The following MPZL1 variants were observed in gnomAD, a reference collection of about 807,000 sequenced individuals.
The protein encoded by MPZL1 is myelin protein zero-like protein 1.
MPZL1 carries 16 observed loss-of-function variants against 29.3 expected under a neutral mutation model. The observed-to-expected ratio is 0.55, with a 90% CI of 0.37 to 0.83. MPZL1 has a LOEUF of 0.83. Ranked by LOEUF, MPZL1 falls within the 40% of genes least tolerant of loss-of-function variation. MPZL1 has a pLI of 0.00. For synonymous variants in MPZL1, 143 were observed against 132.0 expected (o/e 1.08, Z -0.57); for missense variants, 279 against 332.9 (o/e 0.84, Z 1.26).
At chr1:167,784,283 AGAAAGTAGCT>A (rs1661548788) in intron 5 of MPZL1, among the ~76,000 whole-genome samples, 1 of 152,244 alleles carries the variant, frequency 6.6e-6, no homozygotes, top group African/African-American at 2.4e-5. Flanking sequence ...CTATTCATGC[AGAAAGTAGCT>A]GAAAACATAC....
At chr1:167,736,117 C>T (rs2101752295) in intron 1 of MPZL1, among the ~76,000 whole-genome samples, 1 of 152,274 alleles carries the variant, frequency 6.6e-6, no homozygotes, top group East Asian at 1.9e-4. Context: ...GATCTCATTT[C>T]CTTTGCCTTT....
At chr1:167,727,872 C>CTT (rs748327482) in intron 1 of MPZL1, among the ~76,000 whole-genome samples, 2 of 137,754 alleles carry the variant, frequency 1.5e-5, no homozygotes, top group African/African-American at 2.7e-5. Flanking sequence ...CTTTCTTTTC[C>CTT]TTTTTTTTTT....
chr1:167,749,041 T>G (rs1317005143), intron 1 of MPZL1, among the ~76,000 whole-genome samples: 1 of 152,212 alleles, frequency 6.6e-6, no homozygotes, highest in Admixed American at 6.5e-5. Context: ...AAATACAATT[T>G]CATCCATTTC....
chr1:167,764,492 T>C (rs532027965), intron 1 of MPZL1, among the ~76,000 whole-genome samples: 1 of 152,346 alleles, frequency 6.6e-6, no homozygotes, highest in East Asian at 1.9e-4. Context: ...GTAGGTATGA[T>C]TGCACTAACA....
chr1:167,763,998 A>C (rs927518883), intron 1 of MPZL1, among the ~76,000 whole-genome samples: 2 of 152,214 alleles, frequency 1.3e-5, no homozygotes, highest in Non-Finnish European at 2.9e-5. Context: ...GCTGAGAGTC[A>C]GTTAAGTCTT....
At chr1:167,759,234 A>G (rs1660931021) in intron 1 of MPZL1, among the ~76,000 whole-genome samples, 7 of 152,222 alleles carry the variant, frequency 4.6e-5, no homozygotes, top group Admixed American at 4.6e-4. Flanking sequence ...GTAGATTAGA[A>G]CAATAGTTTC....
intron 1 of MPZL1, among the ~76,000 whole-genome samples, chr1:167,743,311 A>G (rs1660573401): frequency 6.6e-6 from 1 of 151,916 alleles, no homozygotes; most frequent in South Asian, 2.1e-4. Flanking sequence ...CCTGGGTTCA[A>G]GCAATTCTCC....
chr1:167,772,044 G>A (rs1351140322), intron 2 of MPZL1, among the ~76,000 whole-genome samples: 2 of 152,112 alleles, frequency 1.3e-5, no homozygotes, highest in East Asian at 3.9e-4. Flanking sequence ...AATCACAGGA[G>A]CCCGAGGCAG....
chr1:167,756,429 A>ATT (rs11455159), intron 1 of MPZL1, among the ~76,000 whole-genome samples: 112 of 94,612 alleles, frequency 1.2e-3, no homozygotes, highest in East Asian at 2.2e-3. Flanking sequence ...GTCTGGCCAG[A>ATT]TTTTTTTTTT....
intron 1 of MPZL1, among the ~76,000 whole-genome samples, chr1:167,724,322 C>G (rs1321914499): frequency 6.6e-6 from 1 of 152,160 alleles, no homozygotes; most frequent in East Asian, 1.9e-4. Context: ...GCCAAGGGCA[C>G]CAGCTTACAA....
rs1291216446 is a variant in MPZL1, at chr1:167,722,172, C to T, written c.21C>T (p.Ala7=). Residue 7 remains alanine (A), a synonymous_variant, in exon 1 of 6, where the codon GCC becomes GCT. Transcript: ENST00000359523. The stretch of plus-strand genomic sequence containing the variant: ...GGACGATGGCAGCGTCCGCCGGAGC[C>T]GGGGCGGTGATTGCAGCCCCAGACA... MAASAG[A]GAVIAAPDSR... 4.8e-6 allele frequency: 6 copies of T among 1,237,200 alleles called. No homozygotes were observed. The South Asian group carries it at 2.5e-4, about 51-fold the overall frequency. 76.6% of individuals were successfully genotyped at this position (1,237,200 alleles called of 1,614,324 possible).
chr1:167,779,645 C>T (rs1448752037), intron 5 of MPZL1, among the ~76,000 whole-genome samples: 1 of 151,658 alleles, frequency 6.6e-6, no homozygotes, highest in Non-Finnish European at 1.5e-5. Context: ...GAGGCTATAA[C>T]ATGTGGAAGT....
chr1:167,757,041 T>C lies in MPZL1; in HGVS notation c.92-8542T>C, dbSNP rs564988913. Among the ~76,000 whole-genome samples, 7 of 152,326 alleles carry C rather than the reference T, an allele frequency of 4.6e-5. No homozygotes were observed. The East Asian group carries it at 1.2e-3, about 25-fold the overall frequency. ...ACTAATGAAAAGCTTAGTTTATTAA[T>C]ACTTAGGGCTTGTTGAATGGAGGAT... On this transcript the variant is annotated intron_variant, in intron 1 of 5. Transcript: ENST00000359523.
intron 1 of MPZL1, among the ~76,000 whole-genome samples, chr1:167,755,458 TGA>T (rs925878238): frequency 1.3e-5 from 2 of 152,198 alleles, no homozygotes; most frequent in African/African-American, 2.4e-5. Context: ...GTAAAATATG[TGA>T]GAGTGTTATT....
At chr1:167,769,605 G>C (rs1661195705) in intron 2 of MPZL1, among the ~76,000 whole-genome samples, 1 of 152,200 alleles carries the variant, frequency 6.6e-6, no homozygotes, top group Non-Finnish European at 1.5e-5. Flanking sequence ...CGTGTCTTCT[G>C]TCAGCACCTA....
At chr1:167,783,606 A>G (rs1313923601) in intron 5 of MPZL1, among the ~76,000 whole-genome samples, 2 of 152,232 alleles carry the variant, frequency 1.3e-5, no homozygotes, top group South Asian at 2.1e-4. Flanking sequence ...ACAGTCCTCC[A>G]GGGTAAGTTC....
At chr1:167,744,930 C>G (rs893638779) in intron 1 of MPZL1, among the ~76,000 whole-genome samples, 1 of 152,152 alleles carries the variant, frequency 6.6e-6, no homozygotes, top group East Asian at 1.9e-4. Flanking sequence ...ACTTCTCCCC[C>G]CACTGCAAAA....
Position 167,722,028 on chromosome 1 carries a change from T to G in MPZL1, c.-124T>G. 1.0e-5 allele frequency: 12 copies of G among 1,187,432 alleles called. No homozygotes were observed. The highest frequency in any genetic ancestry group is 4.3e-5 in the South Asian group (1 of 23,286). 73.6% of individuals were successfully genotyped at this position (1,187,432 alleles called of 1,614,324 possible). A position where few individuals can be genotyped will look rare whatever the true frequency, so the allele number is the denominator to read the frequency against. On this transcript the variant is annotated 5_prime_UTR_variant, in exon 1 of 6. Coordinates refer to ENST00000359523, the MANE Select transcript of MPZL1 (RefSeq NM_003953.6). ...TGGGACCGGAGTGGGGAGCGCGGCG[T>G]GGAGGTGCCACCCGGCGCGGGTGGC...
chr1:167,739,064 C>T (rs970765455), intron 1 of MPZL1, among the ~76,000 whole-genome samples: 4 of 151,640 alleles, frequency 2.6e-5, no homozygotes, highest in African/African-American at 4.9e-5. Context: ...ACCTCAGTCT[C>T]GCGAGTAGCT....
Sources: allele counts gnomAD v4.1 joint callset (sites outside exome capture counted in the v4.1 genomes callset), GRCh38; gene constraint gnomAD v4.1.1; transcripts MANE v1.5; gene names NCBI Gene and HGNC (gene_info 2026-07-23, HGNC 2026-07-21).